The following GGA2 variants were observed in gnomAD, a reference collection of about 807,000 sequenced individuals.
GGA2 encodes the protein golgi associated, gamma adaptin ear containing, ARF binding protein 2, also known as ADP-ribosylation factor-binding protein GGA2.
GGA2 carries 48 observed loss-of-function variants against 79.5 expected under a neutral mutation model. The ratio of observed to expected loss-of-function variants is 0.60; its 90% CI spans 0.48 to 0.77. The LOEUF (loss-of-function observed/expected upper bound fraction) is 0.77, where lower values mean the gene tolerates loss of function less well. Ranked by LOEUF, GGA2 falls within the 30% of genes least tolerant of loss-of-function variation. The pLI is 0.00. For synonymous variants in GGA2, 317 were observed against 302.0 expected (o/e 1.05, Z -0.51); for missense variants, 770 against 774.0 (o/e 0.99, Z 0.06).
intron 3 of GGA2, 135 bp from the exon 4 acceptor site, chr16:23,493,593 G>A (rs1401751406): frequency 3.1e-6 from 2 of 641,946 alleles, no homozygotes; most frequent in South Asian, 3.6e-5. Context: ...GGACACTGAA[G>A]TTTTGATGAA....
At chr16:23,509,903 C>T (rs950351157) in intron 1 of GGA2, among the ~76,000 whole-genome samples, 1 of 151,888 alleles carries the variant, frequency 6.6e-6, no homozygotes, top group African/African-American at 2.4e-5. Context: ...TGCACGACTG[C>T]GTCTCCTTAA....
At chr16:23,484,524 G>C (rs1385031601) in intron 8 of GGA2, among the ~76,000 whole-genome samples, 1 of 152,144 alleles carries the variant, frequency 6.6e-6, no homozygotes, top group Non-Finnish European at 1.5e-5. Context: ...CCTGTATCCA[G>C]AATATATAAA....
At chr16:23,496,371 G>A (rs1173974226) in intron 1 of GGA2, among the ~76,000 whole-genome samples, 1 of 151,606 alleles carries the variant, frequency 6.6e-6, no homozygotes, top group East Asian at 1.9e-4. Flanking sequence ...CACTTTTAGT[G>A]CAGAGGTTGG....
chr16:23,486,744 G>C lies in GGA2; in HGVS notation c.626C>G (p.Ala209Gly). 1 of 1,611,764 alleles carries C rather than the reference G, an allele frequency of 6.2e-7. No homozygotes were observed. The highest frequency in any genetic ancestry group is 8.5e-7 in the Non-Finnish European group (1 of 1,177,804). ...LKSNHPEDLQAANRLIKNLVK... is the reference protein window; with the variant it reads ...LKSNHPEDLQGANRLIKNLVK... Reference sequence around the variant, plus strand: ...CAAATTCTTGATTAACCGGTTTGCAGCCTGAAGGTCCTCGGGGTGGTTGCT... The same window carrying C: ...CAAATTCTTGATTAACCGGTTTGCACCCTGAAGGTCCTCGGGGTGGTTGCT... The change falls in exon 7 of 17, where the codon GCT becomes GGT. Residue 209 changes from alanine (A) to glycine (G), a missense_variant. Transcript: ENST00000309859.
upstream of GGA2, among the ~76,000 whole-genome samples, chr16:23,511,116 C>T (rs1383900809): frequency 6.6e-6 from 1 of 151,940 alleles, no homozygotes; most frequent in Non-Finnish European, 1.5e-5. Flanking sequence ...ATCCTCTTAC[C>T]TCGACTTCCC....
intron 3 of GGA2, 69 bp from the exon 4 acceptor site, chr16:23,493,527 A>C (rs749128501): frequency 9.9e-7 from 1 of 1,010,526 alleles, no homozygotes; most frequent in Non-Finnish European, 1.6e-6. Context: ...CCAGGCTGGT[A>C]ATCACTTGCT....
intron 14 of GGA2, among the ~76,000 whole-genome samples, chr16:23,474,581 C>T (rs1362792912): frequency 1.3e-5 from 2 of 152,150 alleles, no homozygotes; most frequent in Admixed American, 1.3e-4. Flanking sequence ...TGGTCTGGAA[C>T]TCCTGGCCTC....
chr16:23,510,437 C>T lies in GGA2; in HGVS notation c.-26G>A. 2 of 946,384 alleles carry T rather than the reference C, an allele frequency of 2.1e-6. No homozygotes were observed. The highest frequency in any genetic ancestry group is 2.8e-6 in the Non-Finnish European group (2 of 710,144). The allele number at this position is 946,384 out of a possible 1,614,324, so 58.6% of individuals were successfully genotyped here. A position where few individuals can be genotyped will look rare whatever the true frequency, so the allele number is the denominator to read the frequency against. ...CGCTCCAGCCCCGACGCTGCGGCCGCGGGCGCCACTGCCTCTTCAGCCGCT... is the reference window on the plus strand; with the variant it reads ...CGCTCCAGCCCCGACGCTGCGGCCGTGGGCGCCACTGCCTCTTCAGCCGCT... On this transcript the variant is annotated 5_prime_UTR_variant, in exon 1 of 17. Coordinates refer to ENST00000309859, the MANE Select transcript of GGA2 (RefSeq NM_015044.4).
chr16:23,465,110 C>G lies in GGA2; in HGVS notation c.*2480G>C, dbSNP rs1964418787. The G allele has an allele frequency of 5.2e-6, 3 of 571,494 alleles. No individual in the cohort carries two copies. Among genetic ancestry groups the G allele is most frequent in the Non-Finnish European group, 6.2e-6 (2 of 321,472 alleles). 35.4% of individuals were successfully genotyped at this position (571,494 alleles called of 1,614,324 possible). ...TTGCTTCTCCCCAGAGGAAAAGAAG[C>G]TCCTTCAGGGTGGTGCCTGGCTCAG... On this transcript the variant is annotated 3_prime_UTR_variant, in exon 17 of 17. Coordinates refer to ENST00000309859, the MANE Select transcript of GGA2 (RefSeq NM_015044.4).
intron 9 of GGA2, among the ~76,000 whole-genome samples, chr16:23,481,246 GC>G (rs1346092672): frequency 6.6e-6 from 1 of 152,182 alleles, no homozygotes; most frequent in East Asian, 1.9e-4. Flanking sequence ...CGTGGCAGGT[GC>G]CTGTAATCCC....
At chr16:23,505,877 C>T (rs1423207428) in intron 1 of GGA2, among the ~76,000 whole-genome samples, 2 of 152,160 alleles carry the variant, frequency 1.3e-5, no homozygotes, top group Non-Finnish European at 2.9e-5. Flanking sequence ...AGAAGTGAAC[C>T]GTGGAGCTCC....
intron 1 of GGA2, among the ~76,000 whole-genome samples, chr16:23,504,604 CA>C (rs1964954757): frequency 6.6e-6 from 1 of 152,204 alleles, no homozygotes; most frequent in Non-Finnish European, 1.5e-5. Context: ...AAATGACCCC[CA>C]GGGGGCCAGC....
At chr16:23,483,054 G>A (rs761046668) in intron 8 of GGA2, 50 bp from the exon 9 acceptor site, 78 of 1,227,146 alleles carry the variant, frequency 6.4e-5, no homozygotes, top group Non-Finnish European at 9.0e-5. Context: ...ACCCCATAAC[G>A]CCCCCCTCCA....
At position 23,465,281 on chromosome 16, in the gene GGA2, A is replaced by G. The variant is rs1964421260; in HGVS notation, c.*2309T>C. Reference sequence around the variant, plus strand: ...ATTATAGGCGTGAGCCACTGTGCACAGCCAATAACTACTTGTTAAGTGAAT... The same window carrying G: ...ATTATAGGCGTGAGCCACTGTGCACGGCCAATAACTACTTGTTAAGTGAAT... On this transcript the variant is annotated 3_prime_UTR_variant, in exon 17 of 17. Coordinates refer to ENST00000309859, the MANE Select transcript of GGA2 (RefSeq NM_015044.4). The G allele has an allele frequency of 4.3e-6, 3 of 700,700 alleles. No individual in the cohort carries two copies. In the South Asian group the frequency reaches 4.5e-5, roughly 10 times the overall value. The allele number at this position is 700,700 out of a possible 1,614,324, so 43.4% of individuals were successfully genotyped here.
chr16:23,489,006 C>T (rs559572692), intron 5 of GGA2, among the ~76,000 whole-genome samples: 2 of 152,280 alleles, frequency 1.3e-5, no homozygotes, highest in East Asian at 3.9e-4. Context: ...TATCCAGCTA[C>T]ATAACCTCCC....
Position 23,471,380 on chromosome 16 carries a change from CTA to C in GGA2, c.1451-1217_1451-1216del, listed in dbSNP as rs372992706. On this transcript the variant is annotated intron_variant, in intron 14 of 16. Transcript: ENST00000309859. ...CTAATGTTTATTTGAGGGGGGAAAA[CTA>C]TGTAAGACTGACCAATAAATTTAAA... is the stretch of plus-strand genomic sequence containing the variant. Among the ~76,000 whole-genome samples, 111 of 151,870 alleles carry C rather than the reference CTA, an allele frequency of 7.3e-4. 3 individuals are homozygous for C. The highest frequency in any genetic ancestry group is 2.1e-3 in the African/African-American group (87 of 41,376).
At chr16:23,476,545 T>C (rs1474013301) in intron 13 of GGA2, among the ~76,000 whole-genome samples, 2 of 152,180 alleles carry the variant, frequency 1.3e-5, no homozygotes, top group Non-Finnish European at 2.9e-5. Context: ...ATGCAATAAA[T>C]TGTAATGTAG....
chr16:23,466,858 C>A lies in GGA2; in HGVS notation c.*732G>T, dbSNP rs991684939. 6.5e-5 allele frequency: 10 copies of A among 152,958 alleles called. No homozygotes were observed. Among genetic ancestry groups the A allele is most frequent in the African/African-American group, 2.4e-4 (10 of 41,578 alleles). The allele number at this position is 152,958 out of a possible 1,614,324, so 9.5% of individuals were successfully genotyped here. ...GGCTGCCCAACCCATGGACCTGAGGCCTGAGTAAGGCCTGGGAGCTGCTTT... is the reference window on the plus strand; with the variant it reads ...GGCTGCCCAACCCATGGACCTGAGGACTGAGTAAGGCCTGGGAGCTGCTTT... On this transcript the variant is annotated 3_prime_UTR_variant, in exon 17 of 17. Transcript: ENST00000309859.
Position 23,495,781 on chromosome 16 carries a change from G to A in GGA2, c.92-3C>T. 4 of 1,599,506 alleles carry A rather than the reference G, an allele frequency of 2.5e-6. No individual in the cohort carries two copies. The African/African-American group carries it at 4.0e-5, about 16-fold the overall frequency. ...CATGCTTGGGTCTGTGGCTTTGTCT[G>A]TCAAATAAATAATAAAGTTAGAGAG... On this transcript the variant is annotated splice_region_variant and splice_polypyrimidine_tract_variant and intron_variant, in intron 1 of 16. Transcript: ENST00000309859.
Sources: allele counts gnomAD v4.1 joint callset (sites outside exome capture counted in the v4.1 genomes callset), GRCh38; gene constraint gnomAD v4.1.1; transcripts MANE v1.5; gene names NCBI Gene and HGNC (gene_info 2026-07-23, HGNC 2026-07-21).